SMCO2: variants seen among roughly 807,000 people sequenced by gnomAD.
SMCO2 encodes single-pass membrane protein with coiled-coil domains 2.
A neutral mutation model predicts 29.5 loss-of-function variants in SMCO2; 25 were observed. That is an observed-to-expected ratio of 0.85 (90% CI 0.62 to 1.18). The LOEUF is 1.18. SMCO2 is among the 50% of genes most tolerant of loss of function. The pLI is 0.00. For missense variants in SMCO2, 348 were observed against 344.5 expected, an observed-to-expected ratio of 1.01 and a Z score of -0.08; for synonymous variants, 117 against 123.3, an observed-to-expected ratio of 0.95 and a Z score of 0.34.
the SMCO2 span, among the ~76,000 whole-genome samples, chr12:27,429,400 C>T: frequency 6.9e-6 from 1 of 144,230 alleles, no homozygotes; most frequent in Non-Finnish European, 1.5e-5. Context: ...CTGTTTAATA[C>T]AAAAAAGAAT....
intron 4 of SMCO2, among the ~76,000 whole-genome samples, chr12:27,478,877 A>T (rs369032402): frequency 6.6e-6 from 1 of 152,030 alleles, no homozygotes; most frequent in African/African-American, 2.4e-5. Flanking sequence ...AAACTCCTCA[A>T]TGATGCACAC....
At chr12:27,447,728 C>CA in the SMCO2 span, among the ~76,000 whole-genome samples, 1,308 of 113,416 alleles carry the variant, frequency 0.012, 11 homozygotes, top group Admixed American at 0.018. Context: ...GACTCTGTCT[C>CA]AAAAAAAAAA....
chr12:27,429,433 C>A, the SMCO2 span, among the ~76,000 whole-genome samples: 392 of 149,676 alleles, frequency 2.6e-3, no homozygotes, highest in African/African-American at 9.0e-3. Context: ...CAAAGTAATG[C>A]GTATATTGGT....
chr12:27,442,678 A>G, the SMCO2 span, among the ~76,000 whole-genome samples: 2 of 152,190 alleles, frequency 1.3e-5, no homozygotes, highest in Non-Finnish European at 2.9e-5. Context: ...TCACTTTGTC[A>G]GTACAGTGGA....
chr12:27,501,555 T>A (rs1342300334), intron 7 of SMCO2, among the ~76,000 whole-genome samples: 2 of 150,404 alleles, frequency 1.3e-5, no homozygotes, highest in East Asian at 3.9e-4. Context: ...ATACTTTGTG[T>A]CCTGGGGAAA....
intron 2 of SMCO2, 52 bp downstream of exon 2, chr12:27,470,817 C>T (rs898539810): frequency 1.3e-6 from 2 of 1,535,262 alleles, no homozygotes; most frequent in Non-Finnish European, 1.8e-6. Flanking sequence ...CAACTGCAGA[C>T]GTTCTTGGGC....
chr12:27,487,321 C>T (rs1949696986), intron 4 of SMCO2, among the ~76,000 whole-genome samples: 2 of 152,240 alleles, frequency 1.3e-5, no homozygotes, highest in South Asian at 4.1e-4. Context: ...TGAAATCATG[C>T]AGTTTGTCCT....
upstream of SMCO2, among the ~76,000 whole-genome samples, chr12:27,463,921 C>T (rs1030024619): frequency 6.6e-6 from 1 of 152,142 alleles, no homozygotes; most frequent in East Asian, 1.9e-4. Flanking sequence ...AAAACAGAAG[C>T]AGGTTTTAAT....
exon 4 of SMCO2, chr12:27,474,907 T>C: frequency 6.4e-7 from 1 of 1,550,998 alleles, no homozygotes; most frequent in Non-Finnish European, 8.7e-7. Flanking sequence ...AAGAACCTCC[T>C]TGAACTGTAA....
At chr12:27,439,251 C>T in the SMCO2 span, among the ~76,000 whole-genome samples, 1 of 152,106 alleles carries the variant, frequency 6.6e-6, no homozygotes, top group African/African-American at 2.4e-5. Flanking sequence ...TCCCCAGGAC[C>T]CCTGGGCACG....
chr12:27,465,640 A>G (rs1201378993), upstream of SMCO2, among the ~76,000 whole-genome samples: 1 of 152,242 alleles, frequency 6.6e-6, no homozygotes, highest in African/African-American at 2.4e-5. Flanking sequence ...TTCCTTTGAC[A>G]ACATTTTTTG....
the SMCO2 span, among the ~76,000 whole-genome samples, chr12:27,459,044 G>A: frequency 1.3e-4 from 19 of 151,738 alleles, no homozygotes; most frequent in African/African-American, 2.9e-4. Flanking sequence ...AAAATTAGCT[G>A]GGTGGGGTGG....
At chr12:27,437,652 A>G in the SMCO2 span, among the ~76,000 whole-genome samples, 2 of 151,914 alleles carry the variant, frequency 1.3e-5, no homozygotes, top group South Asian at 4.1e-4. Context: ...ACAGTTCACA[A>G]AGGGAAGGGG....
chr12:27,471,605 A>T (rs1949541986), intron 2 of SMCO2, among the ~76,000 whole-genome samples: 1 of 152,184 alleles, frequency 6.6e-6, no homozygotes, highest in African/African-American at 2.4e-5. Flanking sequence ...AATTAAGCAA[A>T]ATATTAAAGT....
chr12:27,441,423 C>G, the SMCO2 span, among the ~76,000 whole-genome samples: 1 of 152,104 alleles, frequency 6.6e-6, no homozygotes, highest in Non-Finnish European at 1.5e-5. Context: ...CAAAAACAAG[C>G]ATGACTAACT....
At chr12:27,482,761 C>T (rs773529583) in intron 4 of SMCO2, among the ~76,000 whole-genome samples, 4 of 152,148 alleles carry the variant, frequency 2.6e-5, no homozygotes, top group Non-Finnish European at 5.9e-5. Flanking sequence ...GACAAGGTCT[C>T]GCTCTGTTGC....
At chr12:27,468,627 T>C (rs306640) in intron 1 of SMCO2, among the ~76,000 whole-genome samples, 15,387 of 152,230 alleles carry the variant, frequency 0.1, 1,246 homozygotes, top group African/African-American at 0.22. Context: ...CTGTATCAAA[T>C]AGTGTAGAGA....
the SMCO2 span, among the ~76,000 whole-genome samples, chr12:27,450,300 C>T: frequency 6.6e-6 from 1 of 152,076 alleles, no homozygotes; most frequent in African/African-American, 2.4e-5. Flanking sequence ...TCCTCCCTCC[C>T]TGCCCCCACC....
chr12:27,439,862 A>C, the SMCO2 span, among the ~76,000 whole-genome samples: 1 of 152,206 alleles, frequency 6.6e-6, no homozygotes, highest in Non-Finnish European at 1.5e-5. Context: ...AAACTTCAAA[A>C]GACCAAATCT....
Sources: gnomAD v4.1 joint callset for allele counts (sites outside exome capture counted in the v4.1 genomes callset) on GRCh38, gnomAD v4.1.1 for gene constraint, MANE v1.5 for transcripts, NCBI Gene and HGNC (gene_info 2026-07-23, HGNC 2026-07-21) for gene names.